The following HAPLN1 variants were observed in gnomAD, a reference collection of about 807,000 sequenced individuals.
The protein encoded by HAPLN1 is hyaluronan and proteoglycan link protein 1, also known as Cartilage link protein.
In HAPLN1, 13 loss-of-function variants were observed where a neutral mutation model predicts 36.5. The observed-to-expected ratio is 0.36, with a 90% CI of 0.23 to 0.57. The LOEUF is 0.57. Ranked by LOEUF, HAPLN1 falls within the 20% of genes least tolerant of loss-of-function variation. The pLI is 0.83. For missense variants in HAPLN1, 407 were observed against 439.7 expected (o/e 0.93, Z 0.66); for synonymous variants, 202 against 169.8 (o/e 1.19, Z -1.48).
chr5:83,653,129 G>A (rs1385939658), intron 2 of HAPLN1, among the ~76,000 whole-genome samples: 1 of 152,102 alleles, frequency 6.6e-6, no homozygotes, highest in Non-Finnish European at 1.5e-5. Flanking sequence ...ATTTATTATT[G>A]TTTCAATTTT....
intron 1 of HAPLN1, among the ~76,000 whole-genome samples, chr5:83,681,994 G>A (rs1429862439): frequency 6.6e-6 from 1 of 152,000 alleles, no homozygotes; most frequent in Admixed American, 6.6e-5. Flanking sequence ...CTAGCACTAG[G>A]GTTTATATGG....
chr5:83,654,839 T>C lies in HAPLN1; in HGVS notation c.101-2015A>G, dbSNP rs76501597. ...TCACTTCCTCAATTTACTAGCTCTGTAGCCTTGGGCAAGTTGTGCAGCCTC... is the reference window on the plus strand; with the variant it reads ...TCACTTCCTCAATTTACTAGCTCTGCAGCCTTGGGCAAGTTGTGCAGCCTC... On this transcript the variant is annotated intron_variant, in intron 2 of 4. Transcript: ENST00000274341. Among the ~76,000 whole-genome samples, 451 of 152,352 alleles carry C rather than the reference T, an allele frequency of 3.0e-3. 1 individual carries two copies. Among genetic ancestry groups the C allele is most frequent in the African/African-American group, 1.0e-2 (414 of 41,580 alleles).
At chr5:83,647,864 T>C (rs1252423443) in intron 3 of HAPLN1, among the ~76,000 whole-genome samples, 1 of 152,178 alleles carries the variant, frequency 6.6e-6, no homozygotes, top group African/African-American at 2.4e-5. Context: ...AATATTACCT[T>C]CCTTAGTGCC....
At chr5:83,666,357 C>A (rs376310805) in intron 2 of HAPLN1, among the ~76,000 whole-genome samples, 5 of 152,084 alleles carry the variant, frequency 3.3e-5, no homozygotes, top group Admixed American at 1.3e-4. Context: ...AAAAGAAAGG[C>A]GTCACTATTT....
Position 83,662,765 on chromosome 5 carries a change from CTACTT to C in HAPLN1, c.101-9946_101-9942del, listed in dbSNP as rs1750440078. Reference sequence around the variant, plus strand: ...TGTGGTAAAGGCATAGAGCTCAACTCTACTTGTCTCCATTCAGACCACTTCCACTT... The same window carrying C: ...TGTGGTAAAGGCATAGAGCTCAACTCGTCTCCATTCAGACCACTTCCACTT... On this transcript the variant is annotated intron_variant, in intron 2 of 4. Coordinates refer to ENST00000274341, the MANE Select transcript of HAPLN1 (RefSeq NM_001884.4). 2.6e-5 allele frequency among the ~76,000 whole-genome samples: 4 copies of C among 152,284 alleles called. 1 individual carries two copies. The highest frequency in any genetic ancestry group is 9.6e-5 in the African/African-American group (4 of 41,574).
In HAPLN1 at chr5:83,652,580, C is replaced by T; in HGVS notation, c.345G>A (p.Lys115=). The stretch of plus-strand genomic sequence containing the variant: ...GAGAAGCATCACTATCACTGCCTCC[C>T]TTCAGAAACACTCTACCCTGGTAGC... The part of the protein sequence containing the change: ...YGGYQGRVFL[K]GGSDSDASLV... The change falls in exon 3 of 5, where the codon AAG becomes AAA. Residue 115 remains lysine (K), a synonymous_variant. Transcript: ENST00000274341. The T allele has an allele frequency of 6.2e-7, 1 of 1,614,154 alleles. No individual in the cohort carries two copies. Among genetic ancestry groups the T allele is most frequent in the Non-Finnish European group, 8.5e-7 (1 of 1,180,004 alleles).
At chr5:83,684,882 C>A (rs2112612584) in intron 1 of HAPLN1, among the ~76,000 whole-genome samples, 1 of 152,238 alleles carries the variant, frequency 6.6e-6, no homozygotes, top group Non-Finnish European at 1.5e-5. Context: ...AAAGAGGGAT[C>A]TTCTCAATCT....
chr5:83,681,250 A>G (rs1001425259), intron 1 of HAPLN1, among the ~76,000 whole-genome samples: 1 of 152,180 alleles, frequency 6.6e-6, no homozygotes, highest in African/African-American at 2.4e-5. Context: ...CTACAAATGT[A>G]TACATGACTT....
chr5:83,694,921 C>A (rs7723240), intron 1 of HAPLN1, among the ~76,000 whole-genome samples: 2 of 151,826 alleles, frequency 1.3e-5, no homozygotes, highest in East Asian at 3.9e-4. Context: ...TTCTATGAGG[C>A]TAGCATTATT....
chr5:83,663,090 T>C (rs937446068), intron 2 of HAPLN1, among the ~76,000 whole-genome samples: 3 of 152,102 alleles, frequency 2.0e-5, no homozygotes, highest in Non-Finnish European at 4.4e-5. Context: ...AGAGAGCACC[T>C]GGACATGATG....
rs547071662 is a variant in HAPLN1, at chr5:83,638,127, T to C, written c.*3369A>G. 34 of 151,946 alleles carry C rather than the reference T, an allele frequency of 2.2e-4. No individual in the cohort carries two copies. The highest frequency in any genetic ancestry group is 7.7e-4 in the African/African-American group (32 of 41,474). 9.4% of individuals were successfully genotyped at this position (151,946 alleles called of 1,614,324 possible). The stretch of plus-strand genomic sequence containing the variant: ...ATGAATTAAATGCCTTTCTTGGAAA[T>C]AATGTATTGACAGAGTTTGACACAA... On this transcript the variant is annotated 3_prime_UTR_variant, in exon 5 of 5. Coordinates refer to ENST00000274341, the MANE Select transcript of HAPLN1 (RefSeq NM_001884.4).
At chr5:83,687,589 G>A (rs1561317523) in intron 1 of HAPLN1, among the ~76,000 whole-genome samples, 1 of 152,152 alleles carries the variant, frequency 6.6e-6, no homozygotes, top group East Asian at 1.9e-4. Flanking sequence ...AATGTGATGA[G>A]ATACTCAACT....
intron 3 of HAPLN1, among the ~76,000 whole-genome samples, chr5:83,648,395 C>CTATATATATATATATATA (rs56115447): frequency 6.6e-5 from 4 of 60,658 alleles, no homozygotes; most frequent in Non-Finnish European, 9.3e-5. Context: ...CTATATTTGA[C>CTATATATATATATATATA]TATATATATA....
At chr5:83,712,212 CAT>C (rs1272496712) in intron 1 of HAPLN1, among the ~76,000 whole-genome samples, 1 of 152,086 alleles carries the variant, frequency 6.6e-6, no homozygotes, top group African/African-American at 2.4e-5. Context: ...CACAATATAA[CAT>C]GTAATTAACA....
chr5:83,688,293 C>G (rs955392593), intron 1 of HAPLN1, among the ~76,000 whole-genome samples: 3 of 152,170 alleles, frequency 2.0e-5, no homozygotes, highest in Non-Finnish European at 4.4e-5. Context: ...TCCCAGTGAT[C>G]ACTGACACAC....
chr5:83,673,666 C>CA, intron 1 of HAPLN1, 117 bp from the exon 2 acceptor site: 1 of 644,620 alleles, frequency 1.6e-6, no homozygotes, highest in Non-Finnish European at 2.7e-6. Context: ...ATATTTAACC[C>CA]AATCTGTTCA....
chr5:83,719,543 T>C (rs1256189152), intron 1 of HAPLN1, among the ~76,000 whole-genome samples: 2 of 152,234 alleles, frequency 1.3e-5, no homozygotes, highest in Admixed American at 1.3e-4. Context: ...TCCTTTGGTA[T>C]ACATTATATT....
intron 1 of HAPLN1, among the ~76,000 whole-genome samples, chr5:83,690,286 G>A (rs187638952): frequency 3.3e-5 from 5 of 152,112 alleles, no homozygotes; most frequent in Admixed American, 3.3e-4. Flanking sequence ...TTTATAATCT[G>A]GGCTTTGAAA....
chr5:83,662,587 G>A (rs1750436186), intron 2 of HAPLN1, among the ~76,000 whole-genome samples: 1 of 152,170 alleles, frequency 6.6e-6, no homozygotes, highest in African/African-American at 2.4e-5. Flanking sequence ...TATGTTGAGT[G>A]ACATTCTTAA....
Sources: allele counts gnomAD v4.1 joint callset (sites outside exome capture counted in the v4.1 genomes callset), GRCh38; gene constraint gnomAD v4.1.1; transcripts MANE v1.5; gene names NCBI Gene and HGNC (gene_info 2026-07-23, HGNC 2026-07-21).